The following SLIT3 variants were observed in gnomAD, a reference collection of about 807,000 sequenced individuals.
SLIT3 encodes the protein slit homolog 3 protein.
A neutral mutation model predicts 184.0 loss-of-function variants in SLIT3; 68 were observed. The ratio of observed to expected loss-of-function variants is 0.37; its 90% CI spans 0.30 to 0.45. SLIT3 has a LOEUF of 0.45. SLIT3 is among the 20% of genes least tolerant of loss of function. SLIT3 has a pLI of 1.00. For missense variants in SLIT3, 1,707 were observed against 2,026.0 expected, an observed-to-expected ratio of 0.84 and a Z score of 3.02; for synonymous variants, 831 against 828.6, an observed-to-expected ratio of 1.00 and a Z score of -0.05.
rs969849529 is a variant in SLIT3 at position 169,069,090 on chromosome 5, C to T, written c.413+124389G>A. Among the ~76,000 whole-genome samples the T allele has an allele frequency of 2.0e-5, 3 of 152,262 alleles. No individual in the cohort carries two copies. In the East Asian group the frequency reaches 5.8e-4, roughly 29 times the overall value. ...GAAGAGCAAAGATGTAGACTATGTG[C>T]TTTATGCAAATTATCTCAGTTAATC... On this transcript the variant is annotated intron_variant, in intron 4 of 35. Transcript: ENST00000519560.
chr5:169,082,528 T>C (rs2113165918), intron 4 of SLIT3, among the ~76,000 whole-genome samples: 1 of 152,352 alleles, frequency 6.6e-6, no homozygotes, highest in African/African-American at 2.4e-5. Flanking sequence ...CTGATTCCTA[T>C]TCTTCCCACC....
intron 20 of SLIT3, among the ~76,000 whole-genome samples, chr5:168,740,167 TG>T (rs1198593218): frequency 2.6e-5 from 4 of 152,254 alleles, no homozygotes; most frequent in Admixed American, 1.3e-4. Flanking sequence ...GCACAGGATT[TG>T]GGGTCAGACA....
intron 4 of SLIT3, among the ~76,000 whole-genome samples, chr5:168,932,143 A>T (rs1762003799): frequency 6.6e-6 from 1 of 151,948 alleles, no homozygotes; most frequent in Non-Finnish European, 1.5e-5. Context: ...TGTGGCTGCC[A>T]TATGCCAGGT....
intron 5 of SLIT3, among the ~76,000 whole-genome samples, chr5:168,852,956 C>A (rs1440637253): frequency 1.3e-5 from 2 of 152,134 alleles, no homozygotes; most frequent in Non-Finnish European, 2.9e-5. Flanking sequence ...TTTAGGAATT[C>A]TTTTTTACAT....
chr5:168,967,056 T>C (rs1354562402), intron 4 of SLIT3, among the ~76,000 whole-genome samples: 1 of 152,062 alleles, frequency 6.6e-6, no homozygotes, highest in Non-Finnish European at 1.5e-5. Context: ...CACCTAAATT[T>C]CCCAACTGTA....
intron 4 of SLIT3, among the ~76,000 whole-genome samples, chr5:168,903,812 G>C (rs1760951509): frequency 9.6e-6 from 1 of 104,094 alleles, no homozygotes. Context: ...TCGTTCACTG[G>C]TTTGAATTAT....
At chr5:169,291,881 C>T (rs115010917) in intron 1 of SLIT3, among the ~76,000 whole-genome samples, 53 of 152,284 alleles carry the variant, frequency 3.5e-4, no homozygotes, top group Non-Finnish European at 5.3e-4. Context: ...ACCTCTCTGA[C>T]GTAGTTGCCA....
At chr5:168,867,776 A>C (rs1232642272) in intron 5 of SLIT3, among the ~76,000 whole-genome samples, 1 of 150,768 alleles carries the variant, frequency 6.6e-6, no homozygotes, top group Non-Finnish European at 1.5e-5. Flanking sequence ...AGGCAGTTGG[A>C]TTTAAACTGA....
In SLIT3 at chr5:169,132,191, G is replaced by A. The variant is rs561741859; in HGVS notation, c.413+61288C>T. ...AACGGGGTAAAGAAAAAGGAAGGGG[G>A]AAAAGGCGGAGGAAGAAATAGAGAG... On this transcript the variant is annotated intron_variant, in intron 4 of 35. Transcript: ENST00000519560. Among the ~76,000 whole-genome samples the A allele has an allele frequency of 1.2e-4, 18 of 152,302 alleles. No homozygotes were observed. The South Asian group carries it at 2.9e-3, about 25-fold the overall frequency.
At chr5:168,952,473 C>G (rs1045729922) in intron 4 of SLIT3, among the ~76,000 whole-genome samples, 1 of 147,554 alleles carries the variant, frequency 6.8e-6, no homozygotes, top group African/African-American at 2.6e-5. Flanking sequence ...GCCCTGTCAC[C>G]CTCAGAAGTC....
chr5:168,964,916 A>G (rs1034475519), intron 4 of SLIT3, among the ~76,000 whole-genome samples: 75 of 152,232 alleles, frequency 4.9e-4, no homozygotes, highest in African/African-American at 1.5e-3. Flanking sequence ...GATAGTAGGT[A>G]TGGTTGATGT....
intron 6 of SLIT3, among the ~76,000 whole-genome samples, chr5:168,841,821 G>A (rs1403443227): frequency 1.3e-5 from 2 of 152,180 alleles, no homozygotes; most frequent in Non-Finnish European, 2.9e-5. Context: ...CAACCAATGT[G>A]TCTTTGCTTG....
chr5:168,752,173 C>T (rs1754739846), intron 18 of SLIT3, among the ~76,000 whole-genome samples: 1 of 152,170 alleles, frequency 6.6e-6, no homozygotes, highest in South Asian at 2.1e-4. Context: ...CCCTGGCTTC[C>T]TCTTCAGCCT....
intron 18 of SLIT3, among the ~76,000 whole-genome samples, chr5:168,751,497 AG>A (rs1201040266): frequency 6.6e-6 from 1 of 152,208 alleles, no homozygotes; most frequent in Non-Finnish European, 1.5e-5. Flanking sequence ...ATTATGCAGA[AG>A]GGAAATGGAA....
chr5:168,768,384 C>T (rs1317367818), intron 14 of SLIT3: 1 of 446,284 alleles, frequency 2.2e-6, no homozygotes, highest in South Asian at 1.6e-5. Flanking sequence ...TCCACTGGAA[C>T]ACTTCCGAAG....
intron 4 of SLIT3, among the ~76,000 whole-genome samples, chr5:168,916,904 A>C (rs533470861): frequency 1.3e-5 from 2 of 152,226 alleles, no homozygotes; most frequent in Admixed American, 1.3e-4. Flanking sequence ...ATTGCTGACA[A>C]CACCAAAATG....
At position 168,664,960 on chromosome 5, in the gene SLIT3, A is replaced by C. The variant is rs1027629270; in HGVS notation, c.*1494T>G. ...TCTTTCCAGATACTGCGGAGGGAGA[A>C]GGAGTGAGCAAGGCAGAACAAGAGC... On this transcript the variant is annotated 3_prime_UTR_variant, in exon 36 of 36. Transcript: ENST00000519560. 6.6e-6 allele frequency: 1 copy of C among 152,262 alleles called. No individual in the cohort carries two copies. Among genetic ancestry groups the C allele is most frequent in the African/African-American group, 2.4e-5 (1 of 41,458 alleles). 9.4% of individuals were successfully genotyped at this position (152,262 alleles called of 1,614,324 possible). A position where few individuals can be genotyped will look rare whatever the true frequency, so the allele number is the denominator to read the frequency against.
intron 35 of SLIT3, 152 bp from the exon 36 acceptor site, chr5:168,666,841 C>T: frequency 7.7e-7 from 1 of 1,292,638 alleles, no homozygotes. Context: ...CTCCATCCAC[C>T]CATCTATTTT....
rs373049439 is a variant in SLIT3 at position 168,932,258 on chromosome 5, GT to G, written c.414-48923del. Among the ~76,000 whole-genome samples the G allele has an allele frequency of 1.7e-3, 174 of 103,560 alleles. 3 individuals are homozygous for G. Among genetic ancestry groups the G allele is most frequent in the Middle Eastern group, 4.9e-3 (1 of 204 alleles). The allele number at this position is 103,560 out of a possible 152,430, so 67.9% of individuals were successfully genotyped here. ...GACACAGTTTTTTTGTTGTTGTTGT[GT>G]TTTTTTTTTTTTTTTGGTACAAGGC... On this transcript the variant is annotated intron_variant, in intron 4 of 35. Transcript: ENST00000519560.
Sources: gnomAD v4.1 joint callset for allele counts (sites outside exome capture counted in the v4.1 genomes callset) on GRCh38, gnomAD v4.1.1 for gene constraint, MANE v1.5 for transcripts, NCBI Gene and HGNC (gene_info 2026-07-23, HGNC 2026-07-21) for gene names.